Variants in TMTC2 observed in about 807,000 individuals in gnomAD.
The protein encoded by TMTC2 is transmembrane O-mannosyltransferase targeting cadherins 2.
In TMTC2, 43 loss-of-function variants were observed where a neutral mutation model predicts 82.4. The ratio of observed to expected loss-of-function variants is 0.52; its 90% CI spans 0.41 to 0.67. The LOEUF (loss-of-function observed/expected upper bound fraction) is 0.67, where lower values mean the gene tolerates loss of function less well. Among genes scored for constraint, TMTC2 ranks in the 30% least tolerant of loss-of-function variants. The probability of loss-of-function intolerance (pLI) is 0.00; values close to 1 mark genes in which losing one functional copy is unlikely to be tolerated. For missense variants in TMTC2, 919 were observed against 1,012.4 expected, an observed-to-expected ratio of 0.91 and a Z score of 1.25; for synonymous variants, 408 against 381.9, an observed-to-expected ratio of 1.07 and a Z score of -0.80.
intron 1 of TMTC2, among the ~76,000 whole-genome samples, chr12:82,794,911 C>T (rs1277068713): frequency 6.6e-6 from 1 of 152,052 alleles, no homozygotes; most frequent in Non-Finnish European, 1.5e-5. Flanking sequence ...AGCAGTGATG[C>T]TAATAGAAAT....
At chr12:82,947,388 G>A (rs1179046347) in intron 4 of TMTC2, among the ~76,000 whole-genome samples, 1 of 150,350 alleles carries the variant, frequency 6.7e-6, no homozygotes, top group Non-Finnish European at 1.5e-5. Context: ...TGTCGCCCAG[G>A]CTGGAGTGCA....
At chr12:82,865,246 G>A (rs1324953893) in intron 2 of TMTC2, among the ~76,000 whole-genome samples, 2 of 151,958 alleles carry the variant, frequency 1.3e-5, no homozygotes, top group South Asian at 2.1e-4. Context: ...ACCCATCACT[G>A]TGCTGTATTC....
intron 1 of TMTC2, among the ~76,000 whole-genome samples, chr12:82,804,098 T>C (rs1879136682): frequency 6.6e-6 from 1 of 152,082 alleles, no homozygotes; most frequent in Non-Finnish European, 1.5e-5. Context: ...GTTAAAAACT[T>C]CAGGCTCTGG....
intron 1 of TMTC2, among the ~76,000 whole-genome samples, chr12:82,742,031 T>C (rs1322770110): frequency 6.6e-6 from 1 of 152,146 alleles, no homozygotes; most frequent in Admixed American, 6.6e-5. Context: ...TCAGCGTGAA[T>C]GTCCCCTACT....
chr12:83,003,002 G>T (rs556584887), intron 8 of TMTC2, among the ~76,000 whole-genome samples: 1 of 151,874 alleles, frequency 6.6e-6, no homozygotes, highest in Non-Finnish European at 1.5e-5. Context: ...TCTGTCTAAC[G>T]CTGTCAGTGG....
At chr12:82,971,549 G>T (rs1878446664) in intron 7 of TMTC2, among the ~76,000 whole-genome samples, 1 of 151,956 alleles carries the variant, frequency 6.6e-6, no homozygotes, top group Non-Finnish European at 1.5e-5. Context: ...AGGCTGCAGT[G>T]TCCAATTATT....
At chr12:82,965,832 A>G (rs541763065) in intron 6 of TMTC2, 88 bp downstream of exon 6, 8 of 1,459,178 alleles carry the variant, frequency 5.5e-6, no homozygotes, top group African/African-American at 4.2e-5. Context: ...CTTTGAGCCT[A>G]TGTCCTTTGA....
chr12:83,080,247 A>C (rs1257161055), intron 11 of TMTC2, among the ~76,000 whole-genome samples: 1 of 152,190 alleles, frequency 6.6e-6, no homozygotes, highest in Non-Finnish European at 1.5e-5. Flanking sequence ...CATGTTTAAA[A>C]GTTAGGAATC....
At chr12:82,862,005 T>A (rs577871799) in intron 2 of TMTC2, among the ~76,000 whole-genome samples, 1 of 152,306 alleles carries the variant, frequency 6.6e-6, no homozygotes, top group African/African-American at 2.4e-5. Context: ...ACAATGAGAA[T>A]TTCATTCCTG....
In TMTC2 at chr12:82,737,221, C is replaced by A. The variant is rs1400502592; in HGVS notation, c.83+49552C>A. Among the ~76,000 whole-genome samples, 3 of 152,270 alleles carry A rather than the reference C, an allele frequency of 2.0e-5. No homozygotes were observed. The East Asian group carries it at 5.8e-4, about 29-fold the overall frequency. On this transcript the variant is annotated intron_variant, in intron 1 of 11. Coordinates refer to ENST00000321196, the MANE Select transcript of TMTC2 (RefSeq NM_152588.3). The stretch of plus-strand genomic sequence containing the variant: ...ACTCTTTATCTTCAAACTTTCATCA[C>A]ATTGATGTAATTTAAATACCAGTTA...
chr12:82,774,771 G>T (rs576098817), intron 1 of TMTC2, among the ~76,000 whole-genome samples: 1 of 151,842 alleles, frequency 6.6e-6, no homozygotes, highest in South Asian at 2.1e-4. Context: ...GTGATGGGAG[G>T]GGTGGCACAC....
rs371353572 is a variant in TMTC2, at chr12:82,846,341, G to A, written c.84-10669G>A. ...TGACTGCACTCCAGCCTGGGCAACA[G>A]AACGAGACTCTGTCTTTTTTTTAAA... On this transcript the variant is annotated intron_variant, in intron 1 of 11. Coordinates refer to ENST00000321196, the MANE Select transcript of TMTC2 (RefSeq NM_152588.3). 2.6e-5 allele frequency among the ~76,000 whole-genome samples: 4 copies of A among 152,124 alleles called. No homozygotes were observed. In the East Asian group the frequency reaches 7.7e-4, roughly 29 times the overall value.
At chr12:83,034,360 A>G (rs914864243) in intron 9 of TMTC2, among the ~76,000 whole-genome samples, 1 of 152,222 alleles carries the variant, frequency 6.6e-6, no homozygotes, top group African/African-American at 2.4e-5. Flanking sequence ...TTGTGTTCAC[A>G]GCAGAGAAAA....
chr12:82,902,987 C>T (rs1324602287), intron 3 of TMTC2, among the ~76,000 whole-genome samples: 1 of 152,204 alleles, frequency 6.6e-6, no homozygotes, highest in African/African-American at 2.4e-5. Flanking sequence ...CCTGTGTATA[C>T]TCACCAGCCT....
At position 83,115,558 on chromosome 12, in the gene TMTC2, TATTGCAAATTAAGGTGGAGTACTG is replaced by T. The variant is rs527897419; in HGVS notation, c.2332-16645_2332-16622del. Among the ~76,000 whole-genome samples the T allele has an allele frequency of 1.7e-3, 253 of 152,340 alleles. 1 individual carries two copies. Among genetic ancestry groups the T allele is most frequent in the African/African-American group, 5.7e-3 (237 of 41,588 alleles). The stretch of plus-strand genomic sequence containing the variant: ...TACTTCAAATGATGAGCTGCATGCT[TATTGCAAATTAAGGTGGAGTACTG>T]ATTGCATATTATAAAAACTGAGTGA... On this transcript the variant is annotated intron_variant, in intron 11 of 11. Coordinates refer to ENST00000321196, the MANE Select transcript of TMTC2 (RefSeq NM_152588.3).
At chr12:82,689,635 G>A (rs1006224459) in intron 1 of TMTC2, among the ~76,000 whole-genome samples, 4 of 151,424 alleles carry the variant, frequency 2.6e-5, no homozygotes, top group Non-Finnish European at 5.9e-5. Flanking sequence ...CTGTGCTCTT[G>A]AGTCATCAGA....
At chr12:83,029,323 C>G (rs1379830802) in intron 8 of TMTC2, among the ~76,000 whole-genome samples, 2 of 151,814 alleles carry the variant, frequency 1.3e-5, no homozygotes, top group East Asian at 1.9e-4. Context: ...ATGCATGAAC[C>G]TTTTTAAAAA....
Position 82,896,361 on chromosome 12 carries a change from T to C in TMTC2, c.1198T>C (p.Leu400=). Reference sequence around the variant, plus strand: ...GAACATTGTTGTTCTGTCTTTATCTTTGTTAATCATACCCTTTGTTCCTGC... The same window carrying C: ...GAACATTGTTGTTCTGTCTTTATCTCTGTTAATCATACCCTTTGTTCCTGC... ...TENIVVLSLS[L]LIIPFVPATN... is the part of the protein sequence containing the mutation. The change falls in exon 3 of 12, where the codon TTG becomes CTG. Residue 400 remains leucine (L), a synonymous_variant. Transcript: ENST00000321196. 6.2e-7 allele frequency: 1 copy of C among 1,614,124 alleles called. No homozygotes were observed. The highest frequency in any genetic ancestry group is 8.5e-7 in the Non-Finnish European group (1 of 1,180,030).
At chr12:82,690,173 G>C (rs1046615943) in intron 1 of TMTC2, among the ~76,000 whole-genome samples, 1 of 152,188 alleles carries the variant, frequency 6.6e-6, no homozygotes, top group African/African-American at 2.4e-5. Context: ...GTGTGTGAAG[G>C]GGGAGGAAAG....
Sources: gnomAD v4.1 joint callset for allele counts (sites outside exome capture counted in the v4.1 genomes callset) on GRCh38, gnomAD v4.1.1 for gene constraint, MANE v1.5 for transcripts, NCBI Gene and HGNC (gene_info 2026-07-23, HGNC 2026-07-21) for gene names.